The following CUX1 variants were observed in gnomAD, a reference collection of about 807,000 sequenced individuals.
CUX1 encodes cut like homeobox 1.
A neutral mutation model predicts 158.8 loss-of-function variants in CUX1; 31 were observed. The observed-to-expected ratio is 0.20, with a 90% CI of 0.15 to 0.26. CUX1 has a LOEUF of 0.26. CUX1 is among the 10% of genes least tolerant of loss of function. The probability of loss-of-function intolerance (pLI) is 1.00; values close to 1 mark genes in which losing one functional copy is unlikely to be tolerated. For missense variants in CUX1, 1,589 were observed against 2,014.6 expected (o/e 0.79, Z 4.04); for synonymous variants, 879 against 862.1 (o/e 1.02, Z -0.34).
At chr7:102,157,249 G>C (rs898239322) in intron 8 of CUX1, among the ~76,000 whole-genome samples, 140 of 152,126 alleles carry the variant, frequency 9.2e-4, no homozygotes, top group African/African-American at 3.3e-3. Flanking sequence ...TGTGGACTCA[G>C]AGCCACAGCA....
intron 12 of CUX1, among the ~76,000 whole-genome samples, chr7:102,190,429 G>A (rs1794148752): frequency 6.6e-6 from 1 of 152,094 alleles, no homozygotes; most frequent in African/African-American, 2.4e-5. Flanking sequence ...CTCACCCTGA[G>A]CCTGCTTTGG....
Position 102,280,261 on chromosome 7 carries a change from G to C in CUX1, c.1764+141G>C, listed in dbSNP as rs782481311. 3.9e-5 allele frequency: 24 copies of C among 615,090 alleles called. No individual in the cohort carries two copies. In the East Asian group the frequency reaches 6.4e-4, roughly 16 times the overall value. 38.1% of individuals were successfully genotyped at this position (615,090 alleles called of 1,614,324 possible). On this transcript the variant is annotated intron_variant, in intron 19 of 22. Coordinates refer to the CUX1 transcript ENST00000292538. ...CACCTGCCCTTGTCTGGGTGCTCTC[G>C]GCCAGCCTTGCCACGCCAGCCCTGC... is the stretch of plus-strand genomic sequence containing the variant.
intron 8 of CUX1, among the ~76,000 whole-genome samples, chr7:102,134,714 C>T (rs555868489): frequency 1.3e-5 from 2 of 152,326 alleles, no homozygotes; most frequent in East Asian, 3.9e-4. Context: ...CCTCCCACCT[C>T]AGCCTCCTGA....
chr7:102,125,453 G>GCAT (rs1832527127), intron 8 of CUX1: 1 of 151,470 alleles, frequency 6.6e-6, no homozygotes, highest in Non-Finnish European at 1.5e-5. Context: ...ACTCACCACG[G>GCAT]GGAGTCCCTG....
chr7:101,960,785 G>T (rs1810377976), intron 2 of CUX1: 1 of 152,202 alleles, frequency 6.6e-6, no homozygotes, highest in Non-Finnish European at 1.5e-5. Flanking sequence ...CCACAGAAGG[G>T]CAGTGTGCTG....
rs569218052 is a variant in CUX1, at chr7:102,196,802, C to A, written c.1391C>A (p.Ser464Tyr). The A allele has an allele frequency of 1.9e-6, 3 of 1,614,164 alleles. No homozygotes were observed. Among genetic ancestry groups the A allele is most frequent in the South Asian group, 2.2e-5 (2 of 91,080 alleles). ...TTAAGTCAAGACTTTTTCAGCTCAT[C>A]CCTGGCAAGCCCCAGCCTACCCCTG... ...AGLSQDFFSS[S>Y]LASPSLPLAS... is the part of the protein sequence containing the mutation. Residue 464 changes from serine (S) to tyrosine (Y), a missense_variant, in exon 15 of 24, where the codon TCC (serine) becomes TAC (tyrosine). Transcript: ENST00000292535.
At chr7:102,131,836 C>G (rs1833276890) in intron 8 of CUX1, among the ~76,000 whole-genome samples, 1 of 151,744 alleles carries the variant, frequency 6.6e-6, no homozygotes, top group African/African-American at 2.4e-5. Flanking sequence ...CCATGCCTAG[C>G]CAATTTTTGT....
At chr7:102,158,755 C>A in intron 9 of CUX1, 147 bp downstream of exon 9, 1 of 723,528 alleles carries the variant, frequency 1.4e-6, no homozygotes. Flanking sequence ...CTTCTGTTGT[C>A]ATGAGAAGTA....
intron 1 of CUX1, among the ~76,000 whole-genome samples, chr7:101,863,387 G>T (rs1208203525): frequency 1.4e-5 from 2 of 141,168 alleles, no homozygotes; most frequent in Non-Finnish European, 3.0e-5. Context: ...GTCTCCTTCT[G>T]TCGCCCAGGC....
intron 3 of CUX1, among the ~76,000 whole-genome samples, chr7:102,041,623 C>A (rs1228101548): frequency 6.6e-6 from 1 of 151,230 alleles, no homozygotes; most frequent in African/African-American, 2.4e-5. Context: ...CAGATTCTTC[C>A]TCTTCTCATC....
downstream of CUX1, among the ~76,000 whole-genome samples, chr7:102,260,596 GTA>G (rs1790334466): frequency 2.0e-5 from 1 of 49,644 alleles, no homozygotes; most frequent in Non-Finnish European, 3.7e-5. Flanking sequence ...TTTTTTTTTT[GTA>G]TTTTTAGTAG....
At chr7:102,142,991 C>T (rs181772903) in intron 8 of CUX1, among the ~76,000 whole-genome samples, 461 of 152,278 alleles carry the variant, frequency 3.0e-3, no homozygotes, top group Non-Finnish European at 4.3e-3. Context: ...CATTTCCTGC[C>T]AGGTTGTTGT....
intron 3 of CUX1, among the ~76,000 whole-genome samples, chr7:102,062,602 C>T (rs1056220493): frequency 5.9e-5 from 9 of 152,156 alleles, no homozygotes; most frequent in African/African-American, 1.9e-4. Context: ...CCTTGACCTC[C>T]TGAGCTCAAG....
In CUX1 at chr7:102,110,517, G is replaced by A. The variant is rs13437731; in HGVS notation, c.531-1181G>A. On this transcript the variant is annotated intron_variant, in intron 6 of 23. Coordinates refer to ENST00000292535, the MANE Select transcript of CUX1 (RefSeq NM_181552.4). Reference sequence around the variant, plus strand: ...GCATTCGTTCATATTACGCTGTAGTGTGTTATGTATTAGTTCATATTACCC... The same window carrying A: ...GCATTCGTTCATATTACGCTGTAGTATGTTATGTATTAGTTCATATTACCC... Among the ~76,000 whole-genome samples, 1,025 of 152,258 alleles carry A rather than the reference G, an allele frequency of 6.7e-3. 7 individuals carry two copies. The highest frequency in any genetic ancestry group is 0.024 in the African/African-American group (982 of 41,530).
chr7:102,253,332 A>G lies in CUX1; in HGVS notation c.*4290A>G. The G allele has an allele frequency of 1.0e-6, 1 of 985,474 alleles. No individual in the cohort carries two copies. The highest frequency in any genetic ancestry group is 1.2e-6 in the Non-Finnish European group (1 of 829,956). 61.0% of individuals were successfully genotyped at this position (985,474 alleles called of 1,614,324 possible). On this transcript the variant is annotated 3_prime_UTR_variant, in exon 24 of 24. Transcript: ENST00000292535. ...CAGGCGTGCAGCTCATGACCAGTTT[A>G]CACAGGCTGCAAAGAGATCGCTGTG... is the stretch of plus-strand genomic sequence containing the variant.
intron 1 of CUX1, among the ~76,000 whole-genome samples, chr7:101,878,574 A>G (rs1400210546): frequency 2.0e-5 from 3 of 152,082 alleles, no homozygotes; most frequent in South Asian, 2.1e-4. Context: ...AAGCAGTGCA[A>G]TTTCCAAGCC....
At chr7:102,233,247 G>A (rs1331620313) in intron 21 of CUX1, among the ~76,000 whole-genome samples, 7 of 145,234 alleles carry the variant, frequency 4.8e-5, no homozygotes, top group African/African-American at 1.8e-4. Context: ...GTGCAGTGGT[G>A]CAATCATAGC....
rs2132687067 is a variant in CUX1 at position 102,255,000 on chromosome 7, C to T, written c.*5958C>T. 1 of 985,434 alleles carries T rather than the reference C, an allele frequency of 1.0e-6. No homozygotes were observed. Among genetic ancestry groups the T allele is most frequent in the South Asian group, 4.7e-5 (1 of 21,276 alleles). 61.0% of individuals were successfully genotyped at this position (985,434 alleles called of 1,614,324 possible). ...TGGGCTGAAAGTTAAGTCCACCAAC[C>T]CTTGGGCTTAATCAGGACGGAAGAG... On this transcript the variant is annotated 3_prime_UTR_variant, in exon 24 of 24. Transcript: ENST00000292535.
chr7:101,996,416 G>A (rs1815897550), intron 2 of CUX1, among the ~76,000 whole-genome samples: 1 of 152,008 alleles, frequency 6.6e-6, no homozygotes. Flanking sequence ...ACGCCTGCAG[G>A]TGGTCCGGCC....
Sources: gnomAD v4.1 joint callset for allele counts (sites outside exome capture counted in the v4.1 genomes callset) on GRCh38, gnomAD v4.1.1 for gene constraint, MANE v1.5 for transcripts, NCBI Gene and HGNC (gene_info 2026-07-23, HGNC 2026-07-21) for gene names.